The following POLA1 variants were observed in gnomAD, a reference collection of about 807,000 sequenced individuals.
The protein encoded by POLA1 is DNA polymerase alpha catalytic subunit.
POLA1 carries 15 observed loss-of-function variants against 124.0 expected under a neutral mutation model. The ratio of observed to expected loss-of-function variants is 0.12; its 90% CI spans 0.08 to 0.19. The LOEUF (loss-of-function observed/expected upper bound fraction) is 0.19. Among genes scored for constraint, POLA1 ranks in the 10% least tolerant of loss-of-function variants. POLA1 has a pLI of 1.00. For missense variants in POLA1, 886 were observed against 1,103.4 expected (o/e 0.80, Z 2.79); for synonymous variants, 408 against 389.4 (o/e 1.05, Z -0.56).
In POLA1 at chrX:24,811,262, TC is replaced by T. The variant is rs1443316475; in HGVS notation, c.3090+463del. 1.1e-4 allele frequency among the ~76,000 whole-genome samples: 12 copies of T among 108,394 alleles called. 1 individual carries two copies. Among genetic ancestry groups the T allele is most frequent in the Non-Finnish European group, 1.9e-4 (10 of 52,181 alleles). The allele number at this position is 108,394 out of a possible 115,157, so 94.1% of individuals were successfully genotyped here. A position where few individuals can be genotyped will look rare whatever the true frequency, so the allele number is the denominator to read the frequency against. ...TGCCCAATCCTCTTTTTTTTTTTTT[TC>T]GTCTTGTTTTGTTTTGTTTGTTTGT... On this transcript the variant is annotated intron_variant, in intron 28 of 36. Transcript: ENST00000379068.
chrX:24,897,462 C>T (rs972824438), intron 35 of POLA1, among the ~76,000 whole-genome samples: 2 of 108,936 alleles, frequency 1.8e-5, no homozygotes, highest in African/African-American at 6.7e-5. Flanking sequence ...TCGTTCACCT[C>T]AGGGAGATCC....
chrX:24,855,049 A>C (rs776917988), intron 34 of POLA1, among the ~76,000 whole-genome samples: 1 of 111,705 alleles, frequency 9.0e-6, no homozygotes, highest in Non-Finnish European at 1.9e-5. Flanking sequence ...GAAAAGGAGG[A>C]AACAGATTAG....
chrX:24,861,584 C>T (rs2046716626), intron 34 of POLA1, among the ~76,000 whole-genome samples: 1 of 112,761 alleles, frequency 8.9e-6, no homozygotes, highest in African/African-American at 3.2e-5. Context: ...AGGCCATCAT[C>T]ACAGAAGTTA....
intron 26 of POLA1, among the ~76,000 whole-genome samples, chrX:24,763,637 C>T (rs923334713): frequency 9.0e-6 from 1 of 110,536 alleles, no homozygotes; most frequent in Non-Finnish European, 1.9e-5. Flanking sequence ...AAAAGTAGAC[C>T]GTGAAAGAGC....
At chrX:24,785,807 A>G (rs2045350428) in intron 26 of POLA1, among the ~76,000 whole-genome samples, 1 of 111,763 alleles carries the variant, frequency 8.9e-6, no homozygotes, top group Non-Finnish European at 1.9e-5. Context: ...CATACCCAGA[A>G]CTTGTTCATC....
At chrX:24,713,067 C>T (rs1004366982) in intron 4 of POLA1, among the ~76,000 whole-genome samples, 2 of 111,004 alleles carry the variant, frequency 1.8e-5, no homozygotes, top group South Asian at 3.9e-4. Flanking sequence ...TGGGTTCAAG[C>T]GATTCTCCTG....
intron 20 of POLA1, 114 bp downstream of exon 20, chrX:24,739,664 A>G: frequency 2.3e-6 from 1 of 442,283 alleles, no homozygotes; most frequent in Non-Finnish European, 3.8e-6. Flanking sequence ...TAGAGGGGAA[A>G]TTGTCTCTAC....
chrX:24,931,355 G>A (rs1417633698), intron 36 of POLA1, among the ~76,000 whole-genome samples: 2 of 111,629 alleles, frequency 1.8e-5, no homozygotes, highest in African/African-American at 6.5e-5. Flanking sequence ...GGAAACAACC[G>A]CAATGACATT....
At chrX:24,765,802 C>T (rs943194631) in intron 26 of POLA1, among the ~76,000 whole-genome samples, 2 of 112,145 alleles carry the variant, frequency 1.8e-5, no homozygotes, top group Non-Finnish European at 3.8e-5. Flanking sequence ...GAGAGCATTA[C>T]AGATAGTTGA....
intron 33 of POLA1, 133 bp from the exon 34 acceptor site, chrX:24,843,413 A>C: frequency 2.5e-6 from 1 of 408,147 alleles, no homozygotes; most frequent in Non-Finnish European, 4.2e-6. Flanking sequence ...ATAATTGAGA[A>C]GATAGGGTTA....
chrX:24,802,698 A>G (rs1330567159), intron 26 of POLA1, among the ~76,000 whole-genome samples: 1 of 111,930 alleles, frequency 8.9e-6, no homozygotes, highest in Non-Finnish European at 1.9e-5. Flanking sequence ...TCATTGGATT[A>G]GAAAGGAAAC....
intron 35 of POLA1, among the ~76,000 whole-genome samples, chrX:24,925,740 C>CGTTT (rs550764725): frequency 0.01 from 1,164 of 111,191 alleles, 5 homozygotes; most frequent in African/African-American, 0.015. Flanking sequence ...AGCATCATTC[C>CGTTT]GTTTGTTTGT....
chrX:24,980,327 C>G (rs1247246676), intron 36 of POLA1, among the ~76,000 whole-genome samples: 1 of 112,131 alleles, frequency 8.9e-6, no homozygotes, highest in Admixed American at 9.4e-5. Flanking sequence ...GAGTTTCTCT[C>G]TGAACTCTGA....
chrX:24,855,459 T>C (rs895053942), intron 34 of POLA1, among the ~76,000 whole-genome samples: 1 of 111,386 alleles, frequency 9.0e-6, no homozygotes, highest in African/African-American at 3.3e-5. Context: ...ATCCCAAAGA[T>C]GCACAGAATG....
At chrX:24,909,542 T>C (rs1161012674) in intron 35 of POLA1, among the ~76,000 whole-genome samples, 1 of 110,892 alleles carries the variant, frequency 9.0e-6, no homozygotes, top group Non-Finnish European at 1.9e-5. Context: ...GATCAGATAG[T>C]TGTAGATATG....
chrX:24,975,169 G>A (rs1017246385), intron 36 of POLA1, among the ~76,000 whole-genome samples: 7 of 111,750 alleles, frequency 6.3e-5, no homozygotes, highest in African/African-American at 1.3e-4. Context: ...GCGCCACCAC[G>A]CCTGGCTAAT....
At chrX:24,812,970 G>T in intron 29 of POLA1, 107 bp downstream of exon 29, 1 of 399,611 alleles carries the variant, frequency 2.5e-6, no homozygotes, top group African/African-American at 2.5e-5. Flanking sequence ...ACACTTCTTT[G>T]TTATTTTTAT....
chrX:24,984,530 GAA>G (rs397843926), intron 36 of POLA1, among the ~76,000 whole-genome samples: 1 of 108,470 alleles, frequency 9.2e-6, no homozygotes, highest in East Asian at 2.8e-4. Flanking sequence ...TTTTACACCG[GAA>G]AAAAAAAGTG....
chrX:24,858,961 C>T (rs976462671), intron 34 of POLA1, among the ~76,000 whole-genome samples: 1 of 111,756 alleles, frequency 8.9e-6, no homozygotes, highest in Non-Finnish European at 1.9e-5. Flanking sequence ...TAGTTTGTCC[C>T]TCACAGTATT....
Sources: allele counts gnomAD v4.1 joint callset (sites outside exome capture counted in the v4.1 genomes callset), GRCh38; gene constraint gnomAD v4.1.1; transcripts MANE v1.5; gene names NCBI Gene and HGNC (gene_info 2026-07-23, HGNC 2026-07-21).